Variants in L2HGDH observed in about 807,000 individuals in gnomAD.
L2HGDH encodes L-2-hydroxyglutarate dehydrogenase, mitochondrial.
In L2HGDH, 34 loss-of-function variants were observed where a neutral mutation model predicts 51.5. That is an observed-to-expected ratio of 0.66 (90% CI 0.50 to 0.88). The LOEUF (loss-of-function observed/expected upper bound fraction) is 0.88, where lower values mean the gene tolerates loss of function less well. L2HGDH is among the 40% of genes least tolerant of loss of function. The pLI is 0.00. For missense variants in L2HGDH, 558 were observed against 571.9 expected (o/e 0.98, Z 0.25); for synonymous variants, 198 against 197.9 (o/e 1.00, Z -0.01).
At chr14:50,276,663 T>C (rs918232185) in intron 6 of L2HGDH, among the ~76,000 whole-genome samples, 7 of 152,130 alleles carry the variant, frequency 4.6e-5, no homozygotes, top group Non-Finnish European at 2.9e-5. Context: ...CAAGAGGTCA[T>C]GTGAGGACAT....
chr14:50,278,394 A>G (rs541045278), intron 6 of L2HGDH, 126 bp downstream of exon 6: 5 of 614,470 alleles, frequency 8.1e-6, no homozygotes, highest in Non-Finnish European at 1.4e-5. Flanking sequence ...CCTAAAAGAA[A>G]TTCTCTCAGA....
At chr14:50,268,149 C>G (rs1007951836) in intron 7 of L2HGDH, among the ~76,000 whole-genome samples, 1 of 152,006 alleles carries the variant, frequency 6.6e-6, no homozygotes, top group Admixed American at 6.6e-5. Flanking sequence ...GAGGCTGAGG[C>G]GTGAGGATCA....
In L2HGDH at chr14:50,295,742, C is replaced by T. The variant is rs760758543; in HGVS notation, c.409-1496G>A. 1.7e-3 allele frequency among the ~76,000 whole-genome samples: 244 copies of T among 145,370 alleles called. 1 individual carries two copies. Among genetic ancestry groups the T allele is most frequent in the Admixed American group, 7.7e-3 (111 of 14,468 alleles). On this transcript the variant is annotated intron_variant, in intron 3 of 9. Transcript: ENST00000267436. ...CAGCCCTACAATTTTTTTTTCATAG[C>T]ATCTTTTTTTTTTTTTTTTTAATTT...
At chr14:50,280,502 T>G (rs1450941567) in intron 5 of L2HGDH, among the ~76,000 whole-genome samples, 1 of 151,936 alleles carries the variant, frequency 6.6e-6, no homozygotes, top group Non-Finnish European at 1.5e-5. Context: ...CAGCTATCAA[T>G]AAAAAGGATC....
intron 9 of L2HGDH, among the ~76,000 whole-genome samples, chr14:50,248,065 G>A (rs937927274): frequency 6.6e-6 from 1 of 152,124 alleles, no homozygotes; most frequent in Non-Finnish European, 1.5e-5. Flanking sequence ...CTCCCAAAAT[G>A]ATGGGATTAT....
intron 3 of L2HGDH, among the ~76,000 whole-genome samples, chr14:50,301,013 A>G (rs1040246565): frequency 6.6e-6 from 1 of 152,094 alleles, no homozygotes; most frequent in African/African-American, 2.4e-5. Flanking sequence ...TTTTGTAGAG[A>G]TAGGGTCTCA....
chr14:50,261,645 C>A (rs1051384924), intron 9 of L2HGDH, among the ~76,000 whole-genome samples: 1 of 151,400 alleles, frequency 6.6e-6, no homozygotes, highest in African/African-American at 2.4e-5. Flanking sequence ...ACCTGCCCAG[C>A]TAATTAAAAA....
At chr14:50,271,378 C>G (rs551419208) in intron 6 of L2HGDH, among the ~76,000 whole-genome samples, 7 of 152,288 alleles carry the variant, frequency 4.6e-5, no homozygotes, top group African/African-American at 1.7e-4. Flanking sequence ...TAATAGTTCT[C>G]TTTCAAAACT....
intron 6 of L2HGDH, among the ~76,000 whole-genome samples, chr14:50,274,649 C>G (rs890103167): frequency 6.6e-6 from 1 of 152,100 alleles, no homozygotes; most frequent in African/African-American, 2.4e-5. Flanking sequence ...AAATCAGTAC[C>G]TCAAGGAGAT....
intron 1 of L2HGDH, chr14:50,311,193 C>T: frequency 2.7e-6 from 1 of 364,818 alleles, no homozygotes; most frequent in Non-Finnish European, 5.4e-6. Context: ...CCGCCCGCCT[C>T]GGCCTCCTAA....
rs1342035896 is a variant in L2HGDH, at chr14:50,267,719, A to C, written c.1064+34T>G. On this transcript the variant is annotated intron_variant, in intron 8 of 9. Transcript: ENST00000267436. ...AACTTCCCACATTGAAAATATAAGC[A>C]CATAAAATCATTTTTAAAAATAAAT... 11 of 1,507,542 alleles carry C rather than the reference A, an allele frequency of 7.3e-6. No individual in the cohort carries two copies. The Admixed American group carries it at 1.7e-4, about 23-fold the overall frequency. The allele number at this position is 1,507,542 out of a possible 1,614,324, so 93.4% of individuals were successfully genotyped here.
intron 1 of L2HGDH, among the ~76,000 whole-genome samples, chr14:50,306,376 T>C (rs1161345887): frequency 6.6e-6 from 1 of 152,084 alleles, no homozygotes; most frequent in Non-Finnish European, 1.5e-5. Context: ...CAAGTTGATA[T>C]CTATATCAAT....
intron 5 of L2HGDH, among the ~76,000 whole-genome samples, chr14:50,279,961 G>A (rs1890171457): frequency 6.6e-6 from 1 of 151,618 alleles, no homozygotes; most frequent in African/African-American, 2.4e-5. Context: ...TCAGGAGGCT[G>A]AGGCAGGGGA....
intron 9 of L2HGDH, among the ~76,000 whole-genome samples, chr14:50,251,647 C>A (rs1170088015): frequency 2.0e-5 from 3 of 152,024 alleles, no homozygotes; most frequent in Non-Finnish European, 4.4e-5. Context: ...AAATAATATA[C>A]AATGGTGCTC....
At chr14:50,271,043 A>C (rs533163084) in intron 6 of L2HGDH, among the ~76,000 whole-genome samples, 1 of 152,098 alleles carries the variant, frequency 6.6e-6, no homozygotes, top group Non-Finnish European at 1.5e-5. Context: ...CCCAGGCTGG[A>C]GTGCGATGGC....
chr14:50,294,250 C>CA lies in L2HGDH; in HGVS notation c.409-5dup, dbSNP rs368650202. On this transcript the variant is annotated splice_polypyrimidine_tract_variant and splice_region_variant and intron_variant, in intron 3 of 9. Coordinates refer to ENST00000267436, the MANE Select transcript of L2HGDH (RefSeq NM_024884.3). The stretch of plus-strand genomic sequence containing the variant: ...CTTGTTCAACAGCTACTATAAGCTT[C>CA]AAAAAAAAAAAGGTAAGGAGCATGG... 37,947 of 978,084 alleles carry CA rather than the reference C, an allele frequency of 0.039. No individual in the cohort carries two copies. The highest frequency in any genetic ancestry group is 0.053 in the East Asian group (1,416 of 26,818). 60.6% of individuals were successfully genotyped at this position (978,084 alleles called of 1,614,324 possible).
chr14:50,247,653 A>G (rs1223445659), intron 9 of L2HGDH, among the ~76,000 whole-genome samples: 1 of 152,238 alleles, frequency 6.6e-6, no homozygotes, highest in South Asian at 2.1e-4. Context: ...AGTAATACAA[A>G]TCAATGAAAG....
chr14:50,271,706 T>A (rs993347947), intron 6 of L2HGDH, among the ~76,000 whole-genome samples: 4 of 151,526 alleles, frequency 2.6e-5, no homozygotes, highest in Non-Finnish European at 5.9e-5. Flanking sequence ...AGTCCCCAAT[T>A]AAAAAAATAA....
intron 3 of L2HGDH, among the ~76,000 whole-genome samples, chr14:50,300,787 C>T (rs113989112): frequency 0.01 from 1,583 of 152,112 alleles, 21 homozygotes; most frequent in South Asian, 0.034. Context: ...AAGCAAGATC[C>T]TGTCTCAACT....
Sources: allele counts gnomAD v4.1 joint callset (sites outside exome capture counted in the v4.1 genomes callset), GRCh38; gene constraint gnomAD v4.1.1; transcripts MANE v1.5; gene names NCBI Gene and HGNC (gene_info 2026-07-23, HGNC 2026-07-21).